The following PLCB4 variants were observed in gnomAD, a reference collection of about 807,000 sequenced individuals.
The protein encoded by PLCB4 is 1-phosphatidylinositol 4,5-bisphosphate phosphodiesterase beta-4.
PLCB4 carries 77 observed loss-of-function variants against 178.8 expected under a neutral mutation model. That is an observed-to-expected ratio of 0.43 (90% CI 0.36 to 0.52). The LOEUF (loss-of-function observed/expected upper bound fraction) is 0.52, where lower values mean the gene tolerates loss of function less well. Ranked by LOEUF, PLCB4 falls within the 20% of genes least tolerant of loss-of-function variation. The pLI is 0.00. For missense variants in PLCB4, 1,024 were observed against 1,453.4 expected, an observed-to-expected ratio of 0.70 and a Z score of 4.80; for synonymous variants, 496 against 490.8, an observed-to-expected ratio of 1.01 and a Z score of -0.14.
intron 3 of PLCB4, among the ~76,000 whole-genome samples, chr20:9,246,856 C>G (rs954645800): frequency 2.0e-5 from 3 of 152,102 alleles, no homozygotes; most frequent in Non-Finnish European, 2.9e-5. Flanking sequence ...CATTTGGCAT[C>G]TGGAGAAGCC....
At chr20:9,360,345 T>C (rs1014673599) in intron 7 of PLCB4, among the ~76,000 whole-genome samples, 3 of 152,194 alleles carry the variant, frequency 2.0e-5, no homozygotes, top group African/African-American at 7.2e-5. Context: ...TTGCCAGCGT[T>C]GTATGTTCAA....
At chr20:9,357,813 C>A (rs2034971362) in intron 7 of PLCB4, among the ~76,000 whole-genome samples, 1 of 152,186 alleles carries the variant, frequency 6.6e-6, no homozygotes. Flanking sequence ...TGCTTATAAG[C>A]TACCCATATA....
intron 9 of PLCB4, among the ~76,000 whole-genome samples, chr20:9,366,345 C>T (rs945115381): frequency 5.0e-5 from 7 of 139,192 alleles, no homozygotes; most frequent in East Asian, 4.4e-4. Flanking sequence ...TGCAGTGAGT[C>T]GAGATGGCAC....
At chr20:9,081,679 T>G (rs2090151264) in intron 1 of PLCB4, among the ~76,000 whole-genome samples, 2 of 151,354 alleles carry the variant, frequency 1.3e-5, no homozygotes, top group Admixed American at 1.3e-4. Context: ...AGTGACTAAG[T>G]TGATGTCTCT....
chr20:9,175,179 G>A (rs1436007533), intron 2 of PLCB4, among the ~76,000 whole-genome samples: 1 of 152,106 alleles, frequency 6.6e-6, no homozygotes, highest in Non-Finnish European at 1.5e-5. Flanking sequence ...GAAGCTCTGG[G>A]GATGGGGCCC....
At chr20:9,125,024 G>A (rs1430397693) in intron 2 of PLCB4, among the ~76,000 whole-genome samples, 2 of 152,190 alleles carry the variant, frequency 1.3e-5, no homozygotes, top group East Asian at 3.9e-4. Context: ...GTAATGTTAA[G>A]CCTGGCCCCA....
rs1254008513 is a variant in PLCB4, at chr20:9,411,058, A to T, written c.2021A>T (p.Gln674Leu). 4 of 1,611,742 alleles carry T rather than the reference A, an allele frequency of 2.5e-6. No individual in the cohort carries two copies. The highest frequency in any genetic ancestry group is 3.4e-6 in the Non-Finnish European group (4 of 1,178,032). The change falls in exon 25 of 40, where the codon CAG becomes CTG. Residue 674 changes from glutamine to leucine, a missense_variant. This residue lies in a region of PLCB4 where 227 missense variants were observed against 374.3 expected (regional missense o/e 0.61). Transcript: ENST00000378473. ...QTPDLAMQLN[Q>L]GKFEYNGSCG... ...ACAGATTTAGCGATGCAATTGAATC[A>T]GGGAAAATTTGAGTATAATGGATCG...
At chr20:9,379,821 A>G (rs945523771) in intron 12 of PLCB4, among the ~76,000 whole-genome samples, 10 of 152,158 alleles carry the variant, frequency 6.6e-5, no homozygotes, top group Non-Finnish European at 1.0e-4. Flanking sequence ...AGGGGAAAAA[A>G]TGTATTCTCT....
At chr20:9,266,437 G>T (rs1470154024) in intron 3 of PLCB4, among the ~76,000 whole-genome samples, 1 of 152,228 alleles carries the variant, frequency 6.6e-6, no homozygotes, top group African/African-American at 2.4e-5. Context: ...TTACTGTGAG[G>T]TGTCCCACCT....
chr20:9,421,238 T>G (rs530627404), intron 26 of PLCB4, 59 bp from the exon 27 acceptor site: 6 of 1,313,396 alleles, frequency 4.6e-6, no homozygotes, highest in Middle Eastern at 2.4e-4. Flanking sequence ...CTGATTATTT[T>G]TTGCTACTGA....
rs199882257 is a variant in PLCB4 at position 9,476,781 on chromosome 20, C to T, written c.3532+28C>T. The T allele has an allele frequency of 1.0e-3, 1,549 of 1,537,338 alleles. 3 individuals are homozygous for T. The highest frequency in any genetic ancestry group is 1.3e-3 in the Non-Finnish European group (1,483 of 1,110,244). On this transcript the variant is annotated intron_variant, in intron 39 of 39. Transcript: ENST00000378473. The stretch of plus-strand genomic sequence containing the variant: ...AGGACCGAAACTCTGATAAGCAAGA[C>T]GTTGCTTTCCTTCTCGACTACGTCC...
chr20:9,197,169 C>CCATGTGGG (rs1303600638), intron 2 of PLCB4, among the ~76,000 whole-genome samples: 1 of 152,148 alleles, frequency 6.6e-6, no homozygotes, highest in Non-Finnish European at 1.5e-5. Context: ...AGGTAAACGA[C>CCATGTGGG]CATGTGGGCC....
chr20:9,182,959 C>T (rs1308915461), intron 2 of PLCB4, among the ~76,000 whole-genome samples: 1 of 152,138 alleles, frequency 6.6e-6, no homozygotes, highest in Non-Finnish European at 1.5e-5. Context: ...CCTGAAGCTA[C>T]CACTCAGTGA....
intron 28 of PLCB4, among the ~76,000 whole-genome samples, chr20:9,432,903 C>T (rs1309189090): frequency 2.0e-5 from 3 of 152,182 alleles, no homozygotes; most frequent in Non-Finnish European, 4.4e-5. Flanking sequence ...TGTGTCTCCT[C>T]CAGACACTAC....
At chr20:9,076,607 T>C (rs1156595913) in intron 1 of PLCB4, among the ~76,000 whole-genome samples, 1 of 152,232 alleles carries the variant, frequency 6.6e-6, no homozygotes, top group Non-Finnish European at 1.5e-5. Flanking sequence ...TGCTATTTGG[T>C]AGTAGCTGTA....
At chr20:9,166,598 C>T (rs2092976572) in intron 2 of PLCB4, 1 of 152,322 alleles carries the variant, frequency 6.6e-6, no homozygotes, top group Non-Finnish European at 1.5e-5. Flanking sequence ...TTATCCTAGA[C>T]CTGTGACTGC....
chr20:9,263,898 A>C (rs186551084), intron 3 of PLCB4, among the ~76,000 whole-genome samples: 2 of 152,334 alleles, frequency 1.3e-5, no homozygotes, highest in East Asian at 3.9e-4. Context: ...CATGTCCAAA[A>C]GGCAAGTATC....
intron 7 of PLCB4, among the ~76,000 whole-genome samples, chr20:9,345,770 A>G (rs569733748): frequency 6.6e-6 from 1 of 152,340 alleles, no homozygotes; most frequent in African/African-American, 2.4e-5. Flanking sequence ...ACTACTATAG[A>G]AATTAAATTA....
intron 2 of PLCB4, among the ~76,000 whole-genome samples, chr20:9,154,504 T>G (rs2092747305): frequency 6.6e-6 from 1 of 152,194 alleles, no homozygotes; most frequent in Non-Finnish European, 1.5e-5. Context: ...TCTCTAATAA[T>G]GCTCAGTCGT....
Sources: allele counts gnomAD v4.1 joint callset (sites outside exome capture counted in the v4.1 genomes callset), GRCh38; gene constraint gnomAD v4.1.1; regional missense constraint gnomAD v4.1.1; transcripts MANE v1.5; gene names NCBI Gene and HGNC (gene_info 2026-07-23, HGNC 2026-07-21).